Variants in MLLT3 observed in about 807,000 individuals in gnomAD.
MLLT3 encodes the protein MLLT3 super elongation complex subunit, also known as protein AF-9.
MLLT3 carries 4 observed loss-of-function variants against 53.2 expected under a neutral mutation model. That is an observed-to-expected ratio of 0.08 (90% CI 0.04 to 0.17). The LOEUF (loss-of-function observed/expected upper bound fraction) is 0.17. MLLT3 is among the 10% of genes least tolerant of loss of function. The pLI is 1.00. For missense variants in MLLT3, 569 were observed against 684.0 expected (o/e 0.83, Z 1.87); for synonymous variants, 283 against 230.6 (o/e 1.23, Z -2.06).
At chr9:20,470,435 A>G (rs1395868841) in intron 2 of MLLT3, among the ~76,000 whole-genome samples, 1 of 151,916 alleles carries the variant, frequency 6.6e-6, no homozygotes, top group Non-Finnish European at 1.5e-5. Flanking sequence ...ATCTAATTTA[A>G]TTTTCCCTCC....
chr9:20,572,423 T>A (rs558411643), intron 2 of MLLT3, among the ~76,000 whole-genome samples: 3 of 152,342 alleles, frequency 2.0e-5, no homozygotes, highest in Non-Finnish European at 4.4e-5. Flanking sequence ...GATTTAGTCA[T>A]TCCACAATCT....
intron 4 of MLLT3, among the ~76,000 whole-genome samples, chr9:20,417,659 T>C (rs1252301049): frequency 6.6e-6 from 1 of 152,124 alleles, no homozygotes; most frequent in Non-Finnish European, 1.5e-5. Context: ...TAAATATACA[T>C]ATATTTGCAC....
At chr9:20,589,713 ATT>A (rs35077926) in intron 2 of MLLT3, among the ~76,000 whole-genome samples, 34 of 139,106 alleles carry the variant, frequency 2.4e-4, no homozygotes, top group Non-Finnish European at 4.1e-4. Flanking sequence ...TTAATCGGTG[ATT>A]TTTTTTTTTT....
intron 4 of MLLT3, among the ~76,000 whole-genome samples, chr9:20,441,762 C>G (rs528959111): frequency 6.6e-6 from 1 of 152,154 alleles, no homozygotes; most frequent in East Asian, 1.9e-4. Context: ...TGAAGCTGCC[C>G]AGTGACAGCC....
At position 20,360,860 on chromosome 9, in the gene MLLT3, G is replaced by A; in HGVS notation, c.1332-19C>T. ...GCTAACTCTGAAAAGAAACAGACAAGTTATGCACATCATTACAAACAGATG... is the reference window on the plus strand; with the variant it reads ...GCTAACTCTGAAAAGAAACAGACAAATTATGCACATCATTACAAACAGATG... On this transcript the variant is annotated intron_variant, in intron 7 of 10. Transcript: ENST00000380338. 6.3e-7 allele frequency: 1 copy of A among 1,586,652 alleles called. No individual in the cohort carries two copies. Among genetic ancestry groups the A allele is most frequent in the Non-Finnish European group, 8.7e-7 (1 of 1,155,136 alleles).
At chr9:20,380,086 A>G (rs1416483415) in intron 5 of MLLT3, 1 of 152,044 alleles carries the variant, frequency 6.6e-6, no homozygotes, top group Non-Finnish European at 1.5e-5. Flanking sequence ...ACAGTTTTAC[A>G]GGCTGTTATC....
At chr9:20,489,604 A>C (rs1160279011) in intron 2 of MLLT3, among the ~76,000 whole-genome samples, 1 of 152,184 alleles carries the variant, frequency 6.6e-6, no homozygotes, top group African/African-American at 2.4e-5. Context: ...CTTTATACTC[A>C]GCCATCACAA....
intron 2 of MLLT3, among the ~76,000 whole-genome samples, chr9:20,534,599 A>C (rs1248567251): frequency 1.3e-5 from 2 of 152,226 alleles, no homozygotes; most frequent in Admixed American, 1.3e-4. Flanking sequence ...AGAAAATTAT[A>C]AAGAAAAGGC....
At chr9:20,569,449 A>C (rs753904268) in intron 2 of MLLT3, among the ~76,000 whole-genome samples, 11 of 152,070 alleles carry the variant, frequency 7.2e-5, no homozygotes, top group Admixed American at 2.0e-4. Flanking sequence ...CAATAATAGC[A>C]ATCATCTATC....
intron 2 of MLLT3, among the ~76,000 whole-genome samples, chr9:20,526,847 G>T (rs112024027): frequency 6.6e-6 from 1 of 152,168 alleles, no homozygotes; most frequent in African/African-American, 2.4e-5. Context: ...GTGGTGTAGT[G>T]AAATCACCTT....
chr9:20,574,695 C>T lies in MLLT3; in HGVS notation c.193+45959G>A, dbSNP rs187733056. Among the ~76,000 whole-genome samples, 603 of 152,250 alleles carry T rather than the reference C, an allele frequency of 4.0e-3. 5 individuals are homozygous for T. The highest frequency in any genetic ancestry group is 0.014 in the African/African-American group (581 of 41,568). ...GGTCCTGCCTGGATGTTGATGGCTG[C>T]TGACTAATCAGGGTGGTGGGTGATG... On this transcript the variant is annotated intron_variant, in intron 2 of 10. Coordinates refer to ENST00000380338, the MANE Select transcript of MLLT3 (RefSeq NM_004529.4).
intron 5 of MLLT3, among the ~76,000 whole-genome samples, chr9:20,383,716 T>C (rs944993782): frequency 1.3e-5 from 2 of 151,966 alleles, no homozygotes; most frequent in African/African-American, 4.8e-5. Flanking sequence ...TCCCCCATGA[T>C]AGTCTTCCCT....
intron 4 of MLLT3, among the ~76,000 whole-genome samples, chr9:20,418,093 T>C (rs1038036318): frequency 6.6e-6 from 1 of 152,220 alleles, no homozygotes; most frequent in Non-Finnish European, 1.5e-5. Context: ...AGAAGAGTTT[T>C]ACTTATCAAA....
intron 10 of MLLT3, 39 bp from the exon 11 acceptor site, chr9:20,346,613 G>A: frequency 6.3e-7 from 1 of 1,598,336 alleles, no homozygotes. Flanking sequence ...GCAATACGCA[G>A]CAAACATCAA....
At position 20,552,533 on chromosome 9, in the gene MLLT3, T is replaced by C. The variant is rs1017191027; in HGVS notation, c.193+68121A>G. The stretch of plus-strand genomic sequence containing the variant: ...TTTGTTGTTGTTATCGTTGTTGTTG[T>C]TGTTGGGGCAGAATAGACGGTTTGA... On this transcript the variant is annotated intron_variant, in intron 2 of 10. Coordinates refer to ENST00000380338, the MANE Select transcript of MLLT3 (RefSeq NM_004529.4). Among the ~76,000 whole-genome samples the C allele has an allele frequency of 5.3e-5, 8 of 152,062 alleles. No individual in the cohort carries two copies. The South Asian group carries it at 6.2e-4, about 12-fold the overall frequency.
At chr9:20,374,548 A>C (rs529815081) in intron 5 of MLLT3, among the ~76,000 whole-genome samples, 2 of 152,346 alleles carry the variant, frequency 1.3e-5, no homozygotes, top group African/African-American at 4.8e-5. Context: ...AAAAGTGATA[A>C]AACAATATTC....
intron 2 of MLLT3, among the ~76,000 whole-genome samples, chr9:20,462,019 C>T (rs1170668554): frequency 6.6e-6 from 1 of 152,118 alleles, no homozygotes; most frequent in Non-Finnish European, 1.5e-5. Flanking sequence ...AGGAATGGGG[C>T]AAACAAGATC....
chr9:20,408,044 A>G (rs1275969562), intron 5 of MLLT3, among the ~76,000 whole-genome samples: 1 of 152,212 alleles, frequency 6.6e-6, no homozygotes, highest in Non-Finnish European at 1.5e-5. Context: ...TCTCTTAAAG[A>G]AGGCTCACAG....
rs896384732 is a variant in MLLT3 at position 20,345,070 on chromosome 9, T to C, written c.*1373A>G. The C allele has an allele frequency of 9.2e-6, 2 of 218,282 alleles. No homozygotes were observed. Among genetic ancestry groups the C allele is most frequent in the African/African-American group, 4.5e-5 (2 of 44,568 alleles). The allele number at this position is 218,282 out of a possible 1,614,324, so 13.5% of individuals were successfully genotyped here. On this transcript the variant is annotated 3_prime_UTR_variant, in exon 11 of 11. Coordinates refer to ENST00000380338, the MANE Select transcript of MLLT3 (RefSeq NM_004529.4). ...GACACCAAAAGTACTTTGGTTTTTT[T>C]CTTTTAAAAATAATTTGCTTTCTTT...
Sources: allele counts gnomAD v4.1 joint callset (sites outside exome capture counted in the v4.1 genomes callset), GRCh38; gene constraint gnomAD v4.1.1; transcripts MANE v1.5; gene names NCBI Gene and HGNC (gene_info 2026-07-23, HGNC 2026-07-21).